RUFY1: variants seen among roughly 807,000 people sequenced by gnomAD.
RUFY1 encodes RUN and FYVE domain-containing protein 1.
A neutral mutation model predicts 94.6 loss-of-function variants in RUFY1; 54 were observed. The ratio of observed to expected loss-of-function variants is 0.57; its 90% CI spans 0.46 to 0.72. RUFY1 has a LOEUF of 0.72. Among genes scored for constraint, RUFY1 ranks in the 30% least tolerant of loss-of-function variants. The pLI, the probability that RUFY1 is intolerant of heterozygous loss-of-function variation, is 0.00. For synonymous variants in RUFY1, 396 were observed against 347.3 expected, an observed-to-expected ratio of 1.14 and a Z score of -1.56; for missense variants, 883 against 883.9, an observed-to-expected ratio of 1.00 and a Z score of 0.01.
intron 8 of RUFY1, among the ~76,000 whole-genome samples, chr5:179,588,539 A>C (rs1764790792): frequency 6.6e-6 from 1 of 152,166 alleles, no homozygotes; most frequent in Non-Finnish European, 1.5e-5. Context: ...TCTTGGGCAT[A>C]TCTTCAATGA....
intron 5 of RUFY1, among the ~76,000 whole-genome samples, chr5:179,571,505 A>G (rs1482884143): frequency 1.2e-4 from 6 of 49,426 alleles, no homozygotes; most frequent in Non-Finnish European, 2.1e-4. Flanking sequence ...CTCTGTCTGG[A>G]AAAAAAAAAA....
chr5:179,603,232 T>C (rs1322967445), intron 15 of RUFY1, among the ~76,000 whole-genome samples: 1 of 149,962 alleles, frequency 6.7e-6, no homozygotes, highest in African/African-American at 2.5e-5. Flanking sequence ...ACCACTGCAC[T>C]CCAGCCTGGG....
At position 179,550,853 on chromosome 5, in the gene RUFY1, A is replaced by T. The variant is rs1761798035; in HGVS notation, c.284A>T (p.Asp95Val). Residue 95 changes from aspartate to valine, a missense_variant, in exon 1 of 18, where the codon GAC becomes GTC. By Grantham distance (152) the Asp-to-Val change is radical. Transcript: ENST00000319449. ...LRAAAGLGGG[D>V]SGDGTARAAS... ...GCGGCCGCGGGGCTGGGCGGCGGGG[A>T]CAGCGGGGACGGCACGGCGCGCGCA... 8.3e-7 allele frequency: 1 copy of T among 1,200,828 alleles called. No individual in the cohort carries two copies. Among genetic ancestry groups the T allele is most frequent in the Non-Finnish European group, 1.0e-6 (1 of 971,538 alleles). The allele number at this position is 1,200,828 out of a possible 1,614,324, so 74.4% of individuals were successfully genotyped here. A position where few individuals can be genotyped will look rare whatever the true frequency, so the allele number is the denominator to read the frequency against.
At chr5:179,580,891 C>T in intron 6 of RUFY1, 56 bp from the exon 7 acceptor site, 4 of 963,966 alleles carry the variant, frequency 4.1e-6, no homozygotes, top group Non-Finnish European at 6.5e-6. Context: ...GGAACAGTTA[C>T]AAAGTATTAA....
At chr5:179,561,232 T>TAAA (rs1554114624) in intron 2 of RUFY1, among the ~76,000 whole-genome samples, 19 of 133,916 alleles carry the variant, frequency 1.4e-4, no homozygotes, top group East Asian at 1.0e-3. Flanking sequence ...AATAAATAAA[T>TAAA]TAATTAATTA....
intron 8 of RUFY1, among the ~76,000 whole-genome samples, chr5:179,587,214 C>T (rs1028509280): frequency 2.6e-5 from 4 of 152,006 alleles, no homozygotes; most frequent in South Asian, 2.1e-4. Context: ...CACCAACACC[C>T]GGCTAATTTT....
At chr5:179,589,481 T>C in intron 8 of RUFY1, 65 bp from the exon 9 acceptor site, 1 of 1,026,078 alleles carries the variant, frequency 9.7e-7, no homozygotes. Context: ...GCCAAATTAA[T>C]GTTTTTAATT....
intron 1 of RUFY1, among the ~76,000 whole-genome samples, chr5:179,556,088 A>G (rs1453668760): frequency 6.6e-6 from 1 of 152,186 alleles, no homozygotes; most frequent in Non-Finnish European, 1.5e-5. Context: ...GTAAATATTG[A>G]CTTTTTAAAA....
At chr5:179,601,380 G>A (rs1254988895) in intron 14 of RUFY1, among the ~76,000 whole-genome samples, 1 of 151,964 alleles carries the variant, frequency 6.6e-6, no homozygotes, top group East Asian at 2.0e-4. Context: ...TGTTGGCCGG[G>A]TTGGCCTCAA....
At chr5:179,561,813 GC>G (rs1429280107) in intron 2 of RUFY1, among the ~76,000 whole-genome samples, 3 of 146,742 alleles carry the variant, frequency 2.0e-5, no homozygotes, top group Non-Finnish European at 4.5e-5. Context: ...CTCCCGAGTA[GC>G]TGGGACTACA....
chr5:179,572,654 G>T, intron 5 of RUFY1: 1 of 188,130 alleles, frequency 5.3e-6, no homozygotes, highest in South Asian at 1.0e-4. Context: ...AGATGAGCAC[G>T]GGAAAGTTTG....
At chr5:179,563,622 A>G (rs917938664) in intron 3 of RUFY1, among the ~76,000 whole-genome samples, 3 of 151,786 alleles carry the variant, frequency 2.0e-5, no homozygotes. Context: ...CCCGGCCTAC[A>G]TCGCTTATAT....
chr5:179,597,375 A>G (rs1050367946), intron 13 of RUFY1, among the ~76,000 whole-genome samples: 1 of 152,216 alleles, frequency 6.6e-6, no homozygotes, highest in African/African-American at 2.4e-5. Flanking sequence ...AGCTGGGACT[A>G]CAGGCATCAG....
chr5:179,594,629 CGG>C (rs1765423810), intron 11 of RUFY1, among the ~76,000 whole-genome samples: 1 of 144,000 alleles, frequency 6.9e-6, no homozygotes, highest in Admixed American at 7.1e-5. Flanking sequence ...GATGTGGTGG[CGG>C]GCGCCTGTAG....
rs565344585 is a variant in RUFY1, at chr5:179,592,009, G to A, written c.1245+268G>A. ...TGTCCAGGCTGGAGTGCGATGGCGC[G>A]ATCTTGGCCCACTGCAAACTCTGCC... On this transcript the variant is annotated intron_variant, in intron 10 of 17. Coordinates refer to ENST00000319449, the MANE Select transcript of RUFY1 (RefSeq NM_025158.5). 5.7e-4 allele frequency among the ~76,000 whole-genome samples: 87 copies of A among 152,198 alleles called. 1 individual carries two copies. The South Asian group carries it at 0.013, about 23-fold the overall frequency.
At chr5:179,590,303 G>A (rs1398635357) in intron 9 of RUFY1, among the ~76,000 whole-genome samples, 2 of 150,770 alleles carry the variant, frequency 1.3e-5, no homozygotes, top group African/African-American at 4.9e-5. Flanking sequence ...GCAGTGAGCT[G>A]AGATCGCGCC....
rs951599150 is a variant in RUFY1 at position 179,609,683 on chromosome 5, A to T, written c.*164A>T. 3.2e-6 allele frequency: 2 copies of T among 627,576 alleles called. No homozygotes were observed. The highest frequency in any genetic ancestry group is 3.8e-5 in the African/African-American group (2 of 53,272). The allele number at this position is 627,576 out of a possible 1,614,324, so 38.9% of individuals were successfully genotyped here. On this transcript the variant is annotated 3_prime_UTR_variant, in exon 18 of 18. Coordinates refer to ENST00000319449, the MANE Select transcript of RUFY1 (RefSeq NM_025158.5). ...CAGCGTGCCGGAACCGGCAGCTCTC[A>T]CCTTTCTGTGACTTGTTCGGAATTA...
chr5:179,585,671 A>T, intron 7 of RUFY1, 125 bp from the exon 8 acceptor site: 1 of 679,040 alleles, frequency 1.5e-6, no homozygotes, highest in Non-Finnish European at 2.6e-6. Flanking sequence ...TCTCTGAGTT[A>T]ATTGGAGACC....
chr5:179,603,402 C>G (rs1766659373), intron 15 of RUFY1, among the ~76,000 whole-genome samples: 1 of 152,178 alleles, frequency 6.6e-6, no homozygotes, highest in African/African-American at 2.4e-5. Flanking sequence ...CCCATGGCCG[C>G]TGCTTCCTCC....
Sources: allele counts gnomAD v4.1 joint callset (sites outside exome capture counted in the v4.1 genomes callset), GRCh38; gene constraint gnomAD v4.1.1; transcripts MANE v1.5; gene names NCBI Gene and HGNC (gene_info 2026-07-23, HGNC 2026-07-21).